The following TYW1 variants were observed in gnomAD, a reference collection of about 807,000 sequenced individuals.
The protein encoded by TYW1 is S-adenosyl-L-methionine-dependent tRNA 4-demethylwyosine synthase TYW1.
Under a neutral mutation model 96.2 loss-of-function variants are expected in TYW1, and 46 were observed. That is an observed-to-expected ratio of 0.48 (90% CI 0.38 to 0.61). The LOEUF is 0.61. Ranked by LOEUF, TYW1 falls within the 20% of genes least tolerant of loss-of-function variation. TYW1 has a pLI of 0.00. For synonymous variants in TYW1, 274 were observed against 323.0 expected (o/e 0.85, Z 1.63); for missense variants, 684 against 909.6 (o/e 0.75, Z 3.19).
Position 67,192,350 on chromosome 7 carries a change from A to C in TYW1, c.1810-2820A>C, listed in dbSNP as rs112593277. Reference sequence around the variant, plus strand: ...AAACTAAATCTCCCCTCAGTGCTTCATGGCTATTTTTGCTGAGTAATAAAA... The same window carrying C: ...AAACTAAATCTCCCCTCAGTGCTTCCTGGCTATTTTTGCTGAGTAATAAAA... On this transcript the variant is annotated intron_variant, in intron 14 of 15. Transcript: ENST00000359626. Among the ~76,000 whole-genome samples, 1,249 of 152,302 alleles carry C rather than the reference A, an allele frequency of 8.2e-3. 8 individuals carry two copies. The highest frequency in any genetic ancestry group is 0.017 in the Middle Eastern group (5 of 294).
chr7:67,072,404 G>T (rs1321730108), intron 10 of TYW1, among the ~76,000 whole-genome samples: 3 of 151,954 alleles, frequency 2.0e-5, no homozygotes, highest in Non-Finnish European at 4.4e-5. Context: ...GTGCCACCAT[G>T]CCCTGCTAAT....
At chr7:67,052,552 C>T (rs993368568) in intron 8 of TYW1, among the ~76,000 whole-genome samples, 21 of 152,202 alleles carry the variant, frequency 1.4e-4, no homozygotes, top group African/African-American at 5.1e-4. Context: ...CTATAGAAAA[C>T]AGTTATAACT....
At chr7:67,125,843 C>T (rs2116025183) in intron 13 of TYW1, among the ~76,000 whole-genome samples, 1 of 152,260 alleles carries the variant, frequency 6.6e-6, no homozygotes, top group South Asian at 2.1e-4. Context: ...TTCAGATTTG[C>T]TTCTTTCACT....
At chr7:67,107,463 G>A (rs958900858) in intron 12 of TYW1, among the ~76,000 whole-genome samples, 2 of 152,206 alleles carry the variant, frequency 1.3e-5, no homozygotes, top group African/African-American at 4.8e-5. Context: ...AGAAAGTGCA[G>A]AGAGGTGGCA....
intron 13 of TYW1, among the ~76,000 whole-genome samples, chr7:67,176,962 A>G (rs1799692240): frequency 6.6e-6 from 1 of 152,048 alleles, no homozygotes; most frequent in Non-Finnish European, 1.5e-5. Context: ...GATGTTGCTA[A>G]TTGTCCCCTG....
At chr7:67,053,288 G>A (rs936071205) in intron 8 of TYW1, among the ~76,000 whole-genome samples, 16 of 152,000 alleles carry the variant, frequency 1.1e-4, no homozygotes, top group Middle Eastern at 3.4e-3. Flanking sequence ...ACTGGCAGAA[G>A]CAGGTACAAT....
Position 67,037,920 on chromosome 7 carries a change from A to G in TYW1, c.985-12029A>G, listed in dbSNP as rs566768132. On this transcript the variant is annotated intron_variant, in intron 7 of 15. Transcript: ENST00000359626. ...TTAGCATTTTGTTACTTACTTCCTA[A>G]TACATGTCATGTGTCCTTAATCCAA... Among the ~76,000 whole-genome samples the G allele has an allele frequency of 1.1e-3, 164 of 152,340 alleles. 1 individual carries two copies. The highest frequency in any genetic ancestry group is 3.7e-3 in the African/African-American group (155 of 41,576).
At position 67,080,492 on chromosome 7, in the gene TYW1, G is replaced by A. The variant is rs562501561; in HGVS notation, c.1275-2938G>A. On this transcript the variant is annotated intron_variant, in intron 10 of 15. Transcript: ENST00000359626. The stretch of plus-strand genomic sequence containing the variant: ...ACAATCTCGGCTCACTGCAACTTCC[G>A]CCTCTCAGGTTCAAGCAATTCTTCT... 5.3e-5 allele frequency among the ~76,000 whole-genome samples: 8 copies of A among 150,884 alleles called. No individual in the cohort carries two copies. The East Asian group carries it at 5.8e-4, about 11-fold the overall frequency.
intron 15 of TYW1, among the ~76,000 whole-genome samples, chr7:67,222,405 A>G (rs1374486220): frequency 1.3e-5 from 2 of 152,128 alleles, no homozygotes; most frequent in African/African-American, 4.8e-5. Context: ...GAACTCCCTC[A>G]GCTTTTGTTT....
chr7:67,125,510 T>G (rs372756028), intron 13 of TYW1, among the ~76,000 whole-genome samples: 2 of 152,160 alleles, frequency 1.3e-5, no homozygotes, highest in African/African-American at 4.8e-5. Context: ...ATTACCTCCT[T>G]ATCAACATCA....
intron 13 of TYW1, among the ~76,000 whole-genome samples, chr7:67,154,618 C>G (rs1409980525): frequency 6.6e-6 from 1 of 152,134 alleles, no homozygotes; most frequent in East Asian, 1.9e-4. Flanking sequence ...TTAGAATTCT[C>G]TTTCACTTTT....
At chr7:67,126,772 A>T (rs1222992873) in intron 13 of TYW1, among the ~76,000 whole-genome samples, 1 of 152,042 alleles carries the variant, frequency 6.6e-6, no homozygotes, top group Non-Finnish European at 1.5e-5. Context: ...GCTAAAGATC[A>T]GTTGACTATA....
chr7:67,055,596 TAAA>T (rs376462145), intron 8 of TYW1, among the ~76,000 whole-genome samples: 4 of 139,898 alleles, frequency 2.9e-5, no homozygotes, highest in Non-Finnish European at 3.1e-5. Context: ...GGGACTGTCT[TAAA>T]AAAAAAAAAA....
In TYW1 at chr7:67,179,487, T is replaced by C. The variant is rs1427570785; in HGVS notation, c.1699-3639T>C. 3.7e-5 allele frequency among the ~76,000 whole-genome samples: 5 copies of C among 134,762 alleles called. 1 individual carries two copies. The highest frequency in any genetic ancestry group is 6.3e-5 in the Non-Finnish European group (4 of 63,160). The allele number at this position is 134,762 out of a possible 152,430, so 88.4% of individuals were successfully genotyped here. A position where few individuals can be genotyped will look rare whatever the true frequency, so the allele number is the denominator to read the frequency against. ...TCTCCAGCTGTGTAACTTCAGGCAA[T>C]TTACTTAACAGCTGTCAGCCTCACC... On this transcript the variant is annotated intron_variant, in intron 13 of 15. Transcript: ENST00000359626.
At chr7:67,141,533 C>G (rs2461605) in intron 13 of TYW1, among the ~76,000 whole-genome samples, 11 of 152,176 alleles carry the variant, frequency 7.2e-5, no homozygotes, top group Admixed American at 3.9e-4. Context: ...GACATTTTTA[C>G]AGTTCGTGTT....
intron 7 of TYW1, among the ~76,000 whole-genome samples, chr7:67,033,757 G>T (rs1452226612): frequency 6.6e-6 from 1 of 151,140 alleles, no homozygotes; most frequent in Non-Finnish European, 1.5e-5. Context: ...GTGCAGTGGC[G>T]TGATCTTGGC....
At chr7:67,133,641 G>A (rs1798158874) in intron 13 of TYW1, among the ~76,000 whole-genome samples, 1 of 134,288 alleles carries the variant, frequency 7.4e-6, no homozygotes, top group Admixed American at 7.3e-5. Context: ...AAAAAAAAAA[G>A]TTTTGGAATT....
intron 14 of TYW1, among the ~76,000 whole-genome samples, chr7:67,188,319 C>CA (rs912179985): frequency 4.0e-5 from 6 of 150,624 alleles, no homozygotes; most frequent in Admixed American, 1.3e-4. Flanking sequence ...GACTCTGTCT[C>CA]AAAAAAAAAT....
intron 13 of TYW1, among the ~76,000 whole-genome samples, chr7:67,126,380 C>T (rs1010787248): frequency 6.6e-5 from 10 of 151,870 alleles, no homozygotes; most frequent in African/African-American, 2.2e-4. Context: ...ATTTTGGAGT[C>T]CTTTATCAGA....
Sources: gnomAD v4.1 joint callset for allele counts (sites outside exome capture counted in the v4.1 genomes callset) on GRCh38, gnomAD v4.1.1 for gene constraint, MANE v1.5 for transcripts, NCBI Gene and HGNC (gene_info 2026-07-23, HGNC 2026-07-21) for gene names.